The following GLS2 variants were observed in gnomAD, a reference collection of about 807,000 sequenced individuals.
GLS2 encodes the protein glutaminase liver isoform, mitochondrial.
GLS2 carries 52 observed loss-of-function variants against 79.0 expected under a neutral mutation model. The observed-to-expected ratio is 0.66, with a 90% confidence interval of 0.53 to 0.83. The LOEUF (loss-of-function observed/expected upper bound fraction) is 0.83, where lower values mean the gene tolerates loss of function less well. Among genes scored for constraint, GLS2 ranks in the 40% least tolerant of loss-of-function variants. The probability of loss-of-function intolerance (pLI) is 0.00; values close to 1 mark genes in which losing one functional copy is unlikely to be tolerated. For synonymous variants in GLS2, 238 were observed against 280.8 expected, an observed-to-expected ratio of 0.85 and a Z score of 1.52; for missense variants, 561 against 764.8, an observed-to-expected ratio of 0.73 and a Z score of 3.14.
In GLS2 at chr12:56,487,869, G is replaced by C. The variant is rs557493185; in HGVS notation, c.182+68C>G. 153 of 1,516,330 alleles carry C rather than the reference G, an allele frequency of 1.0e-4. No homozygotes were observed. The African/African-American group carries it at 2.0e-3, about 19-fold the overall frequency. 93.9% of individuals were successfully genotyped at this position (1,516,330 alleles called of 1,614,324 possible). ...GCGGCGCTGCCTTGGAAGGGCACTC[G>C]GGAACTAGCGAGAACCACAGTGGGA... is the stretch of plus-strand genomic sequence containing the variant. On this transcript the variant is annotated intron_variant, in intron 1 of 17. Transcript: ENST00000311966.
chr12:56,475,983 GAGAA>G lies in GLS2; in HGVS notation c.838-10_838-7del, dbSNP rs1485570611. On this transcript the variant is annotated splice_polypyrimidine_tract_variant and splice_region_variant and intron_variant, in intron 7 of 17. Coordinates refer to ENST00000311966, the MANE Select transcript of GLS2 (RefSeq NM_013267.4). ...TCTGCTTTGTTACAGTCCATCTGCA[GAGAA>G]AGAGAGAGATGTCAGCATTCTAAGT... 2.5e-6 allele frequency: 4 copies of G among 1,612,502 alleles called. No individual in the cohort carries two copies. Among genetic ancestry groups the G allele is most frequent in the Non-Finnish European group, 3.4e-6 (4 of 1,179,908 alleles).
chr12:56,483,083 C>CTTTT (rs756613672), intron 1 of GLS2, among the ~76,000 whole-genome samples: 2 of 141,268 alleles, frequency 1.4e-5, no homozygotes, highest in Admixed American at 7.1e-5. Context: ...CTTTTTCTTT[C>CTTTT]TTTTTTTTTT....
chr12:56,475,666 T>C lies in GLS2; in HGVS notation c.887A>G (p.Asn296Ser), dbSNP rs1294555659. Reference sequence around the variant, plus strand: ...CATGTATTCATTCCCAGCCATTTTGTTGAGATACTGCAACACCTGGAAGAG... The same window carrying C: ...CATGTATTCATTCCCAGCCATTTTGCTGAGATACTGCAACACCTGGAAGAG... ...EKFDFVLQYL[N>S]KMAGNEYMGF... Residue 296 changes from asparagine to serine, a missense_variant, in exon 9 of 18, where the codon AAC becomes AGC. Physicochemically the swap from Asn to Ser is conservative, Grantham distance 46. Transcript: ENST00000311966. 1 of 1,614,218 alleles carries C rather than the reference T, an allele frequency of 6.2e-7. No homozygotes were observed. Among genetic ancestry groups the C allele is most frequent in the Admixed American group, 1.7e-5 (1 of 60,024 alleles).
In GLS2 at chr12:56,487,997, CTG is replaced by C; in HGVS notation, c.120_121del (p.Ser41Ter). 1 of 1,601,144 alleles carries C rather than the reference CTG, an allele frequency of 6.2e-7. No homozygotes were observed. Among genetic ancestry groups the C allele is most frequent in the Non-Finnish European group, 8.5e-7 (1 of 1,179,404 alleles). On this transcript the variant is annotated frameshift_variant, in exon 1 of 18. Coordinates refer to ENST00000311966, the MANE Select transcript of GLS2 (RefSeq NM_013267.4). LOFTEE classifies it high-confidence loss of function. ...CTCTCTGCCCTGCGCCGCGGCCTCA[CTG>C]AGGTGGTGCCGGACGCCCCCGCCAA...
intron 1 of GLS2, among the ~76,000 whole-genome samples, chr12:56,485,308 G>A (rs1022319720): frequency 6.6e-6 from 1 of 152,134 alleles, no homozygotes; most frequent in Non-Finnish European, 1.5e-5. Context: ...CTAGGCTGGA[G>A]TGTGGTGATG....
In GLS2 at chr12:56,478,265, G is replaced by T. The variant is rs970310309; in HGVS notation, c.535-3C>A. 9 of 1,613,962 alleles carry T rather than the reference G, an allele frequency of 5.6e-6. No individual in the cohort carries two copies. The highest frequency in any genetic ancestry group is 7.6e-6 in the Non-Finnish European group (9 of 1,179,930). ...AGCTGAGGGATGTAGGCTGCCACCT[G>T]GACATGAGTGGGTAGAGAAAAGGGA... On this transcript the variant is annotated splice_region_variant and splice_polypyrimidine_tract_variant and intron_variant, in intron 4 of 17. Transcript: ENST00000311966.
Position 56,477,685 on chromosome 12 carries a change from G to A in GLS2, c.812C>T (p.Ala271Val), listed in dbSNP as rs765693889. 2 of 1,613,550 alleles carry A rather than the reference G, an allele frequency of 1.2e-6. No homozygotes were observed. Among genetic ancestry groups the A allele is most frequent in the African/African-American group, 2.7e-5 (2 of 74,898 alleles). ...CTTGATCAGGGAGCTGACAACAATG[G>A]CACCAGCATTGACCATGGGGTTATG... ...IPHNPMVNAG[A>V]IVVSSLIKMD... Residue 271 changes from alanine to valine, a missense_variant, in exon 7 of 18, where the codon GCC (alanine) becomes GTC (valine). Transcript: ENST00000311966.
At position 56,472,743 on chromosome 12, in the gene GLS2, A is replaced by C; in HGVS notation, c.1458T>G (p.Thr486=). The C allele has an allele frequency of 6.2e-7, 1 of 1,613,940 alleles. No homozygotes were observed. The highest frequency in any genetic ancestry group is 8.5e-7 in the Non-Finnish European group (1 of 1,179,898). ...AGGCAGCAAATAACAGGTTGACCAC[A>C]GTCTTGTTCTGGAACACAAATCATA... is the stretch of plus-strand genomic sequence containing the variant. ...RREGAEIRNK[T]VVNLLFAAYS... is the part of the protein sequence containing the mutation. Residue 486 remains threonine (T), a synonymous_variant, in exon 15 of 18, where the codon ACT becomes ACG. Coordinates refer to ENST00000311966, the MANE Select transcript of GLS2 (RefSeq NM_013267.4).
chr12:56,483,103 C>T (rs190981448), intron 1 of GLS2, among the ~76,000 whole-genome samples: 1,633 of 140,600 alleles, frequency 0.012, 15 homozygotes, highest in Non-Finnish European at 0.018. Context: ...TTTTTTGAGA[C>T]GGAGTCTTGC....
In GLS2 at chr12:56,477,459, G is replaced by A. The variant is rs1869921173; in HGVS notation, c.837+201C>T. The A allele has an allele frequency of 5.6e-6, 3 of 531,588 alleles. No homozygotes were observed. The Admixed American group carries it at 9.9e-5, about 18-fold the overall frequency. The allele number at this position is 531,588 out of a possible 1,614,324, so 32.9% of individuals were successfully genotyped here. On this transcript the variant is annotated intron_variant, in intron 7 of 17. Coordinates refer to ENST00000311966, the MANE Select transcript of GLS2 (RefSeq NM_013267.4). Reference sequence around the variant, plus strand: ...GGGGCAGGGAACAGTACTGAGTGGGGATGACGGAGGTGGTGCAGTCTCTTA... The same window carrying A: ...GGGGCAGGGAACAGTACTGAGTGGGAATGACGGAGGTGGTGCAGTCTCTTA...
chr12:56,485,201 A>G (rs1398863675), intron 1 of GLS2, among the ~76,000 whole-genome samples: 2 of 152,166 alleles, frequency 1.3e-5, no homozygotes, highest in East Asian at 3.8e-4. Flanking sequence ...ATATCACAAT[A>G]TTAATTGGTT....
At chr12:56,482,846 C>G (rs1244532060) in intron 1 of GLS2, among the ~76,000 whole-genome samples, 2 of 152,188 alleles carry the variant, frequency 1.3e-5, no homozygotes, top group Admixed American at 1.3e-4. Flanking sequence ...ATCCTCCCAC[C>G]TCAGCCTCCC....
intron 6 of GLS2, 45 bp from the exon 7 acceptor site, chr12:56,477,763 C>G (rs1206569516): frequency 4.4e-6 from 7 of 1,584,064 alleles, no homozygotes; most frequent in Non-Finnish European, 6.0e-6. Flanking sequence ...CTGAACAAAG[C>G]CTCCCTGACA....
At chr12:56,486,014 CAAAAAA>C (rs11414489) in intron 1 of GLS2, among the ~76,000 whole-genome samples, 1 of 93,714 alleles carries the variant, frequency 1.1e-5, no homozygotes, top group Admixed American at 1.3e-4. Context: ...ACTCTGTCTC[CAAAAAA>C]AAAAAAAAAA....
At position 56,478,312 on chromosome 12, in the gene GLS2, C is replaced by T. The variant is rs1870005744; in HGVS notation, c.535-50G>A. On this transcript the variant is annotated intron_variant, in intron 4 of 17. Transcript: ENST00000311966. ...GGGAGATGGATGTGGAGAAGAGGAA[C>T]AGAGTTGAGGTTGAGGGTCAAGAGA... 3.8e-6 allele frequency: 6 copies of T among 1,577,662 alleles called. No homozygotes were observed. In the South Asian group the frequency reaches 6.7e-5, roughly 17 times the overall value.
rs1869635138 is a variant in GLS2 at position 56,474,679 on chromosome 12, C to T, written c.1089G>A (p.Met363Ile). 1.2e-6 allele frequency: 2 copies of T among 1,612,770 alleles called. No individual in the cohort carries two copies. The highest frequency in any genetic ancestry group is 1.7e-6 in the Non-Finnish European group (2 of 1,179,180). Residue 363 changes from methionine (M) to isoleucine (I), a missense_variant, in exon 12 of 18, where the codon ATG becomes ATA. Around this residue, in one of 4 missense-constraint regions of GLS2, gnomAD observed 221 missense variants for 275.6 expected, o/e 0.80. Transcript: ENST00000311966. Reference protein sequence around the residue: ...VEVTCESGSVMAATLANGGIC... With the variant: ...VEVTCESGSVIAATLANGGIC... ...TCCCACCGTTGGCGAGGGTGGCTGC[C>T]ATGACACTGCCTGATTCACAAGTGA...
Position 56,471,295 on chromosome 12 carries a change from C to G in GLS2, c.*192G>C. ...CTGTACTGCAGGTGTCCTCTGAGGC[C>G]CTTCTCTGTACTCTGTCTGCTGAGG... is the stretch of plus-strand genomic sequence containing the variant. On this transcript the variant is annotated 3_prime_UTR_variant, in exon 18 of 18. Coordinates refer to ENST00000311966, the MANE Select transcript of GLS2 (RefSeq NM_013267.4). 2 of 582,606 alleles carry G rather than the reference C, an allele frequency of 3.4e-6. No individual in the cohort carries two copies. Among genetic ancestry groups the G allele is most frequent in the East Asian group, 2.9e-5 (1 of 34,776 alleles). The allele number at this position is 582,606 out of a possible 1,614,324, so 36.1% of individuals were successfully genotyped here. A position where few individuals can be genotyped will look rare whatever the true frequency, so the allele number is the denominator to read the frequency against.
At position 56,480,277 on chromosome 12, in the gene GLS2, G is replaced by C; in HGVS notation, c.282+11C>G. ...GGAATTAGGATCCTGAACAGGTAGA[G>C]GGCAACTTACAGTGGTGAACTTGTG... On this transcript the variant is annotated intron_variant, in intron 2 of 17. Coordinates refer to ENST00000311966, the MANE Select transcript of GLS2 (RefSeq NM_013267.4). The C allele has an allele frequency of 6.2e-7, 1 of 1,610,128 alleles. No homozygotes were observed. The highest frequency in any genetic ancestry group is 8.5e-7 in the Non-Finnish European group (1 of 1,176,438).
At chr12:56,480,812 A>C (rs1007017534) in intron 1 of GLS2, among the ~76,000 whole-genome samples, 1 of 152,218 alleles carries the variant, frequency 6.6e-6, no homozygotes, top group East Asian at 1.9e-4. Context: ...GTTGGTCACC[A>C]ACATTGGATG....
Sources: allele counts gnomAD v4.1 joint callset (sites outside exome capture counted in the v4.1 genomes callset), GRCh38; gene constraint gnomAD v4.1.1; regional missense constraint gnomAD v4.1.1; transcripts MANE v1.5; gene names NCBI Gene and HGNC (gene_info 2026-07-23, HGNC 2026-07-21).